KIAA1328: variants seen among roughly 807,000 people sequenced by gnomAD.
KIAA1328 encodes the protein protein hinderin.
Under a neutral mutation model 68.1 loss-of-function variants are expected in KIAA1328, and 52 were observed. The observed-to-expected ratio is 0.76, with a 90% CI of 0.61 to 0.96. KIAA1328 has a LOEUF of 0.96. Ranked by LOEUF, KIAA1328 falls within the 40% of genes least tolerant of loss-of-function variation. KIAA1328 has a pLI of 0.00. For missense variants in KIAA1328, 641 were observed against 677.6 expected, an observed-to-expected ratio of 0.95 and a Z score of 0.60; for synonymous variants, 232 against 239.4, an observed-to-expected ratio of 0.97 and a Z score of 0.28.
intron 6 of KIAA1328, among the ~76,000 whole-genome samples, chr18:37,000,240 A>G (rs1223065617): frequency 6.6e-6 from 1 of 152,174 alleles, no homozygotes; most frequent in African/African-American, 2.4e-5. Context: ...CGTTAAGTCA[A>G]AAATAGTAAT....
At chr18:36,836,149 G>A (rs1008062825) in intron 3 of KIAA1328, among the ~76,000 whole-genome samples, 1 of 152,060 alleles carries the variant, frequency 6.6e-6, no homozygotes, top group Admixed American at 6.5e-5. Context: ...TGTTCTCAAA[G>A]ATATTTCCAG....
At chr18:36,894,872 C>T (rs1271276281) in intron 5 of KIAA1328, among the ~76,000 whole-genome samples, 1 of 152,134 alleles carries the variant, frequency 6.6e-6, no homozygotes, top group African/African-American at 2.4e-5. Context: ...TACCATTCCA[C>T]AGCTTCTTAT....
chr18:36,967,461 G>C (rs947264119), intron 6 of KIAA1328, among the ~76,000 whole-genome samples: 4 of 152,226 alleles, frequency 2.6e-5, no homozygotes, highest in Non-Finnish European at 5.9e-5. Context: ...ACCTAGTTGA[G>C]TTGGTCTGGC....
chr18:37,041,868 T>G (rs1228618959), intron 6 of KIAA1328, among the ~76,000 whole-genome samples: 1 of 152,140 alleles, frequency 6.6e-6, no homozygotes, highest in African/African-American at 2.4e-5. Flanking sequence ...GCTGTTATTT[T>G]CATACAGATA....
intron 5 of KIAA1328, among the ~76,000 whole-genome samples, chr18:36,915,386 G>GA (rs60011164): frequency 0.76 from 115,468 of 152,038 alleles, 44,821 homozygotes; most frequent in East Asian, 1. Flanking sequence ...AGAGAATGGG[G>GA]AAAAAAACTA....
intron 6 of KIAA1328, among the ~76,000 whole-genome samples, chr18:36,984,805 C>T (rs1286502524): frequency 1.3e-5 from 2 of 148,734 alleles, no homozygotes; most frequent in Non-Finnish European, 3.0e-5. Context: ...ACTTAGGAGA[C>T]TGAGTCAGGA....
intron 8 of KIAA1328, among the ~76,000 whole-genome samples, chr18:37,164,982 T>A (rs2059356891): frequency 6.6e-6 from 1 of 152,094 alleles, no homozygotes; most frequent in African/African-American, 2.4e-5. Context: ...TTCTAGTCAA[T>A]CCTCCTGAAG....
intron 6 of KIAA1328, among the ~76,000 whole-genome samples, chr18:37,021,525 T>C (rs540339339): frequency 1.2e-4 from 19 of 152,324 alleles, no homozygotes; most frequent in African/African-American, 4.6e-4. Flanking sequence ...ACTCTCAATA[T>C]GGCATTTCAC....
intron 6 of KIAA1328, among the ~76,000 whole-genome samples, chr18:37,033,628 C>A (rs758385751): frequency 1.1e-4 from 16 of 152,188 alleles, no homozygotes; most frequent in Admixed American, 2.6e-4. Flanking sequence ...ATTTTCTAAA[C>A]AGTTTGAGTT....
chr18:37,223,962 T>C lies in KIAA1328; in HGVS notation c.*1735T>C. 3.0e-6 allele frequency: 3 copies of C among 985,356 alleles called. No homozygotes were observed. Among genetic ancestry groups the C allele is most frequent in the Non-Finnish European group, 3.6e-6 (3 of 829,852 alleles). The allele number at this position is 985,356 out of a possible 1,614,324, so 61.0% of individuals were successfully genotyped here. On this transcript the variant is annotated 3_prime_UTR_variant, in exon 10 of 10. Transcript: ENST00000280020. ...TGGAAAATCATTACAGATTAAAATTTCTTTATAAAGTTCACCTCTGAGAGT... is the reference window on the plus strand; with the variant it reads ...TGGAAAATCATTACAGATTAAAATTCCTTTATAAAGTTCACCTCTGAGAGT...
At chr18:37,154,225 T>G (rs1336938508) in intron 7 of KIAA1328, among the ~76,000 whole-genome samples, 1 of 152,166 alleles carries the variant, frequency 6.6e-6, no homozygotes, top group African/African-American at 2.4e-5. Flanking sequence ...GACTGATTAA[T>G]TCAGTTTCGA....
At chr18:37,004,327 AT>A (rs776728379) in intron 6 of KIAA1328, among the ~76,000 whole-genome samples, 3 of 151,530 alleles carry the variant, frequency 2.0e-5, no homozygotes, top group African/African-American at 7.3e-5. Context: ...ATTCCTAAGT[AT>A]TTTTTTTCGC....
At position 37,142,350 on chromosome 18, in the gene KIAA1328, C is replaced by A. The variant is rs138451358; in HGVS notation, c.1233-17850C>A. Reference sequence around the variant, plus strand: ...GGGATTACAGGCGCACACCACCACACCTGGCTAATTTTTGTATTTTTAGTA... The same window carrying A: ...GGGATTACAGGCGCACACCACCACAACTGGCTAATTTTTGTATTTTTAGTA... On this transcript the variant is annotated intron_variant, in intron 7 of 9. Coordinates refer to ENST00000280020, the MANE Select transcript of KIAA1328 (RefSeq NM_020776.3). 6.7e-3 allele frequency among the ~76,000 whole-genome samples: 1,014 copies of A among 152,094 alleles called. 16 individuals are homozygous for A. Among genetic ancestry groups the A allele is most frequent in the African/African-American group, 0.023 (939 of 41,490 alleles).
chr18:36,846,832 G>A (rs2047045698), intron 4 of KIAA1328, among the ~76,000 whole-genome samples: 1 of 151,372 alleles, frequency 6.6e-6, no homozygotes, highest in Admixed American at 6.6e-5. Flanking sequence ...ACAGTTCAAT[G>A]GCATTAAGTA....
intron 6 of KIAA1328, among the ~76,000 whole-genome samples, chr18:36,968,209 A>G (rs1359189421): frequency 6.6e-6 from 1 of 152,186 alleles, no homozygotes; most frequent in Non-Finnish European, 1.5e-5. Flanking sequence ...AACCACACAA[A>G]TAAATCAGCA....
At chr18:37,102,406 C>T (rs976047092) in intron 7 of KIAA1328, among the ~76,000 whole-genome samples, 1 of 152,162 alleles carries the variant, frequency 6.6e-6, no homozygotes, top group Non-Finnish European at 1.5e-5. Flanking sequence ...GCACATCCTG[C>T]ACATGCACCC....
chr18:36,899,147 C>T (rs2048954754), intron 5 of KIAA1328, among the ~76,000 whole-genome samples: 1 of 151,716 alleles, frequency 6.6e-6, no homozygotes, highest in Admixed American at 6.6e-5. Context: ...CTTTTATATC[C>T]CATTGAATAA....
chr18:37,048,128 A>G (rs2055549609), intron 6 of KIAA1328, among the ~76,000 whole-genome samples: 1 of 152,198 alleles, frequency 6.6e-6, no homozygotes, highest in African/African-American at 2.4e-5. Flanking sequence ...CCCATTTGGT[A>G]CTAGAGCAGC....
chr18:36,913,574 T>G, intron 5 of KIAA1328, among the ~76,000 whole-genome samples: 1 of 60,222 alleles, frequency 1.7e-5, no homozygotes, highest in Middle Eastern at 0.011. Context: ...ACACACTACT[T>G]AGAGGAAAGC....
Sources: gnomAD v4.1 joint callset for allele counts (sites outside exome capture counted in the v4.1 genomes callset) on GRCh38, gnomAD v4.1.1 for gene constraint, MANE v1.5 for transcripts, NCBI Gene and HGNC (gene_info 2026-07-23, HGNC 2026-07-21) for gene names.